The following PGS1 variants were observed in gnomAD, a reference collection of about 807,000 sequenced individuals.
The protein encoded by PGS1 is CDP-diacylglycerol--glycerol-3-phosphate 3-phosphatidyltransferase, mitochondrial.
A neutral mutation model predicts 58.3 loss-of-function variants in PGS1; 44 were observed. That is an observed-to-expected ratio of 0.75 (90% CI 0.59 to 0.97). The LOEUF is 0.97. PGS1 is among the 50% of genes least tolerant of loss of function. The pLI is 0.00. For missense variants in PGS1, 684 were observed against 731.1 expected, an observed-to-expected ratio of 0.94 and a Z score of 0.74; for synonymous variants, 330 against 311.0, an observed-to-expected ratio of 1.06 and a Z score of -0.64.
At position 78,383,298 on chromosome 17, in the gene PGS1, G is replaced by A. The variant is rs192745986; in HGVS notation, c.143+4490G>A. 1.4e-3 allele frequency among the ~76,000 whole-genome samples: 217 copies of A among 151,732 alleles called. 2 individuals carry two copies. Among genetic ancestry groups the A allele is most frequent in the African/African-American group, 4.9e-3 (201 of 41,338 alleles). ...GTTTCACTCTTGATGCCCAGGCTGA[G>A]GTGCCGCAACCTCTGCCTCCTGGCT... On this transcript the variant is annotated intron_variant, in intron 1 of 9. Coordinates refer to ENST00000262764, the MANE Select transcript of PGS1 (RefSeq NM_024419.5).
intron 8 of PGS1, among the ~76,000 whole-genome samples, chr17:78,417,136 C>G (rs545305955): frequency 6.6e-6 from 1 of 152,362 alleles, no homozygotes; most frequent in African/African-American, 2.4e-5. Flanking sequence ...CCAAGAAAGA[C>G]TCCCTCGAAC....
chr17:78,396,695 C>A (rs1352716461), intron 3 of PGS1, among the ~76,000 whole-genome samples: 1 of 152,244 alleles, frequency 6.6e-6, no homozygotes, highest in Admixed American at 6.5e-5. Flanking sequence ...CCGACTGTGG[C>A]CTGCCACCTG....
At chr17:78,423,571 G>A (rs986065421) in intron 9 of PGS1, 21 of 306,600 alleles carry the variant, frequency 6.8e-5, no homozygotes, top group African/African-American at 1.9e-4. Flanking sequence ...TGACCCCCCC[G>A]GGAAGTCAGG....
chr17:78,408,104 A>G (rs1250688629), intron 7 of PGS1, among the ~76,000 whole-genome samples: 2 of 117,488 alleles, frequency 1.7e-5, no homozygotes, highest in Admixed American at 9.3e-5. Context: ...TATTTTATCT[A>G]TCAATCAGTC....
intron 1 of PGS1, among the ~76,000 whole-genome samples, chr17:78,381,363 C>G (rs556804555): frequency 6.6e-6 from 1 of 152,170 alleles, no homozygotes. Context: ...TTGTAATCCT[C>G]GGAAATAATG....
chr17:78,386,028 C>G (rs1357413844), intron 1 of PGS1, among the ~76,000 whole-genome samples: 1 of 152,214 alleles, frequency 6.6e-6, no homozygotes, highest in Non-Finnish European at 1.5e-5. Flanking sequence ...GAGGACCTCT[C>G]TCAGTCAGGG....
intron 7 of PGS1, 24 bp from the exon 8 acceptor site, chr17:78,414,855 C>G (rs375694243): frequency 1.1e-5 from 17 of 1,612,666 alleles, no homozygotes; most frequent in Non-Finnish European, 1.4e-5. Context: ...CATTTCCTGT[C>G]TGCACGTTTC....
At chr17:78,381,737 C>T (rs994867511) in intron 1 of PGS1, among the ~76,000 whole-genome samples, 2 of 152,130 alleles carry the variant, frequency 1.3e-5, no homozygotes, top group Non-Finnish European at 2.9e-5. Context: ...AGGGGACGTT[C>T]CTTTTACTGC....
In PGS1 at chr17:78,424,471, A is replaced by C. The variant is rs2086319393; in HGVS notation, c.*421A>C. On this transcript the variant is annotated 3_prime_UTR_variant, in exon 10 of 10. Transcript: ENST00000262764. ...GCAGGAAGTCATAACTCCAGCTAAAAATTACAGAGTAAAGTTCCCTGATTC... is the reference window on the plus strand; with the variant it reads ...GCAGGAAGTCATAACTCCAGCTAAACATTACAGAGTAAAGTTCCCTGATTC... The C allele has an allele frequency of 3.0e-6, 1 of 328,112 alleles. No homozygotes were observed. The highest frequency in any genetic ancestry group is 5.7e-6 in the Non-Finnish European group (1 of 176,340). 20.3% of individuals were successfully genotyped at this position (328,112 alleles called of 1,614,324 possible). A position where few individuals can be genotyped will look rare whatever the true frequency, so the allele number is the denominator to read the frequency against.
chr17:78,413,990 A>G (rs1188928459), intron 7 of PGS1, among the ~76,000 whole-genome samples: 2 of 152,184 alleles, frequency 1.3e-5, no homozygotes, highest in East Asian at 1.9e-4. Flanking sequence ...CCCAGCAAAA[A>G]GGGGGATATT....
At chr17:78,411,470 G>A (rs1212884101) in intron 7 of PGS1, among the ~76,000 whole-genome samples, 3 of 152,204 alleles carry the variant, frequency 2.0e-5, no homozygotes, top group African/African-American at 4.8e-5. Context: ...TTTATAGTGA[G>A]TGAGTGTGGA....
chr17:78,396,012 T>C (rs890084506), intron 2 of PGS1, among the ~76,000 whole-genome samples: 1 of 152,262 alleles, frequency 6.6e-6, no homozygotes, highest in African/African-American at 2.4e-5. Context: ...AGTGCTGGGA[T>C]TATAGGCGTG....
chr17:78,407,038 A>G lies in PGS1; in HGVS notation c.1402+2949A>G, dbSNP rs369333032. The stretch of plus-strand genomic sequence containing the variant: ...TTTCCCGGACTGATGTGCTTCTGCC[A>G]CTCCCTCTCTCCTGCCCTGGTGTGG... On this transcript the variant is annotated intron_variant, in intron 7 of 9. Coordinates refer to ENST00000262764, the MANE Select transcript of PGS1 (RefSeq NM_024419.5). Among the ~76,000 whole-genome samples, 185 of 149,950 alleles carry G rather than the reference A, an allele frequency of 1.2e-3. 5 individuals carry two copies. The South Asian group carries it at 0.038, about 31-fold the overall frequency.
At chr17:78,393,164 C>T in intron 2 of PGS1, among the ~76,000 whole-genome samples, 1 of 152,052 alleles carries the variant, frequency 6.6e-6, no homozygotes, top group Non-Finnish European at 1.5e-5. Context: ...GGGTTCACGC[C>T]ATTCTCCTGC....
chr17:78,400,547 C>G lies in PGS1; in HGVS notation c.702-130C>G. The G allele has an allele frequency of 2.7e-6, 2 of 733,972 alleles. No homozygotes were observed. The highest frequency in any genetic ancestry group is 3.2e-5 in the South Asian group (2 of 62,060). The allele number at this position is 733,972 out of a possible 1,614,324, so 45.5% of individuals were successfully genotyped here. On this transcript the variant is annotated intron_variant, in intron 5 of 9. Coordinates refer to ENST00000262764, the MANE Select transcript of PGS1 (RefSeq NM_024419.5). The surrounding 1 kb of genome is among the most constrained non-coding windows in gnomAD (Gnocchi z 4.4). ...TTTGCACGTGTTCATTGCTGAGTAG[C>G]TATTTGTTAACTGCATCTTGACCTG... is the stretch of plus-strand genomic sequence containing the variant.
chr17:78,393,762 C>G (rs956693233), intron 2 of PGS1, among the ~76,000 whole-genome samples: 2 of 152,114 alleles, frequency 1.3e-5, no homozygotes, highest in Non-Finnish European at 1.5e-5. Flanking sequence ...GTTCAGCTTT[C>G]AACATGTTAC....
At chr17:78,386,536 G>A (rs1940371055) in intron 1 of PGS1, among the ~76,000 whole-genome samples, 1 of 152,228 alleles carries the variant, frequency 6.6e-6, no homozygotes, top group Non-Finnish European at 1.5e-5. Flanking sequence ...AGGTCTTGAT[G>A]TGGAAATTGT....
At chr17:78,401,262 G>A (rs12451791) in intron 6 of PGS1, among the ~76,000 whole-genome samples, 92,755 of 151,360 alleles carry the variant, frequency 0.61, 28,455 homozygotes, top group Admixed American at 0.65. Context: ...CAATGAACAC[G>A]TGTGCCTGGG....
At chr17:78,391,263 T>C (rs2082806364) in intron 1 of PGS1, among the ~76,000 whole-genome samples, 1 of 151,830 alleles carries the variant, frequency 6.6e-6, no homozygotes, top group African/African-American at 2.4e-5. Flanking sequence ...TCATCATCAC[T>C]CTTGAGAGGA....
Sources: gnomAD v4.1 joint callset for allele counts (sites outside exome capture counted in the v4.1 genomes callset) on GRCh38, gnomAD v4.1.1 for gene constraint, Gnocchi (gnomAD v3.1) non-coding constraint, MANE v1.5 for transcripts, NCBI Gene and HGNC (gene_info 2026-07-23, HGNC 2026-07-21) for gene names.